KMT5B: variants seen among roughly 807,000 people sequenced by gnomAD.
KMT5B encodes histone-lysine N-methyltransferase KMT5B.
In KMT5B, 10 loss-of-function variants were observed where a neutral mutation model predicts 83.2. The observed-to-expected ratio is 0.12, with a 90% confidence interval of 0.07 to 0.20. The LOEUF (loss-of-function observed/expected upper bound fraction) is 0.20. Among genes scored for constraint, KMT5B ranks in the 10% least tolerant of loss-of-function variants. KMT5B has a pLI of 1.00. For synonymous variants in KMT5B, 349 were observed against 388.8 expected, an observed-to-expected ratio of 0.90 and a Z score of 1.20; for missense variants, 753 against 1,067.2, an observed-to-expected ratio of 0.71 and a Z score of 4.10.
chr11:68,161,775 G>A (rs1854890839), intron 10 of KMT5B, among the ~76,000 whole-genome samples: 1 of 152,140 alleles, frequency 6.6e-6, no homozygotes, highest in Non-Finnish European at 1.5e-5. Flanking sequence ...CCCTTAGACT[G>A]TTCTTCTTCA....
intron 4 of KMT5B, among the ~76,000 whole-genome samples, chr11:68,176,905 A>AC (rs1274891004): frequency 6.6e-6 from 1 of 152,212 alleles, no homozygotes; most frequent in Non-Finnish European, 1.5e-5. Flanking sequence ...TTACTCTGAC[A>AC]TTTAAAATTG....
At chr11:68,165,082 T>C (rs1462659198) in intron 10 of KMT5B, among the ~76,000 whole-genome samples, 1 of 152,234 alleles carries the variant, frequency 6.6e-6, no homozygotes, top group East Asian at 1.9e-4. Context: ...TCAGTAGCTA[T>C]ACACCAGTAA....
Position 68,171,689 on chromosome 11 carries a change from T to G in KMT5B, c.674A>C (p.Glu225Ala). Reference sequence around the variant, plus strand: ...TTCGGCAATACAACCCACCAGTAATTCTATTTTGTCATTTCGTTTCCTATT... The same window carrying G: ...TTCGGCAATACAACCCACCAGTAATGCTATTTTGTCATTTCGTTTCCTATT... ...TKEWKRNDKI[E>A]LLVGCIAELS... The change falls in exon 7 of 11, where the codon GAA (glutamate) becomes GCA (alanine). Residue 225 changes from glutamate to alanine, a missense_variant. Coordinates refer to ENST00000304363, the MANE Select transcript of KMT5B (RefSeq NM_017635.5). This position sits in a 1 kb window ranked among gnomAD's most constrained non-coding sequence, Gnocchi z 5.1. 1.2e-6 allele frequency: 2 copies of G among 1,612,520 alleles called. No homozygotes were observed. Among genetic ancestry groups the G allele is most frequent in the Non-Finnish European group, 1.7e-6 (2 of 1,179,312 alleles).
intron 4 of KMT5B, among the ~76,000 whole-genome samples, chr11:68,178,197 T>C (rs1427666654): frequency 1.3e-5 from 2 of 152,206 alleles, no homozygotes; most frequent in Non-Finnish European, 2.9e-5. Context: ...AAGTGACCAA[T>C]GGGAACATTA....
At chr11:68,211,830 G>A (rs542487871) in intron 1 of KMT5B, among the ~76,000 whole-genome samples, 14 of 152,326 alleles carry the variant, frequency 9.2e-5, no homozygotes, top group African/African-American at 2.4e-4. Flanking sequence ...AATGTCGAAT[G>A]TTTAGAGATT....
chr11:68,204,092 A>T (rs1187109777), intron 1 of KMT5B, among the ~76,000 whole-genome samples: 1 of 152,162 alleles, frequency 6.6e-6, no homozygotes, highest in Non-Finnish European at 1.5e-5. Context: ...ATAGCGTCTG[A>T]AGCTGAGCAG....
intron 10 of KMT5B, chr11:68,164,642 A>T (rs1453533423): frequency 1.9e-6 from 1 of 513,050 alleles, no homozygotes; most frequent in Admixed American, 2.0e-5. Flanking sequence ...ATGACCTCAG[A>T]GTTAGTCATA....
In KMT5B at chr11:68,171,514, A is replaced by G; in HGVS notation, c.820+29T>C. ...GCAGTTAGCAGGAATGGCCAACACT[A>G]GCGCCAACACCTTGGAAACACAGCT... On this transcript the variant is annotated intron_variant, in intron 7 of 10. Transcript: ENST00000304363. This position sits in a 1 kb window ranked among gnomAD's most constrained non-coding sequence, Gnocchi z 5.1. 6.2e-7 allele frequency: 1 copy of G among 1,606,166 alleles called. No homozygotes were observed. Among genetic ancestry groups the G allele is most frequent in the South Asian group, 1.1e-5 (1 of 89,284 alleles).
intron 6 of KMT5B, among the ~76,000 whole-genome samples, chr11:68,172,641 A>G (rs1263678293): frequency 6.6e-6 from 1 of 152,184 alleles, no homozygotes; most frequent in Non-Finnish European, 1.5e-5. Flanking sequence ...GCACACTTAC[A>G]GCGCTTCTCA....
intron 3 of KMT5B, among the ~76,000 whole-genome samples, chr11:68,181,594 G>T (rs1856941405): frequency 6.6e-6 from 1 of 152,168 alleles, no homozygotes; most frequent in Non-Finnish European, 1.5e-5. Context: ...CAAAGAGAGA[G>T]AAGTCCATAA....
Position 68,158,292 on chromosome 11 carries a change from G to A in KMT5B, c.2054C>T (p.Thr685Ile), listed in dbSNP as rs1185323292. The change falls in exon 11 of 11, where the codon ACA becomes ATA. Residue 685 changes from threonine (T) to isoleucine (I), a missense_variant. By Grantham distance (89) the Thr-to-Ile change is moderately conservative (BLOSUM62 -1). Around this residue, in one of 9 missense-constraint regions of KMT5B, gnomAD observed 397 missense variants for 395.9 expected, o/e 1.00. Transcript: ENST00000304363. Reference sequence around the variant, plus strand: ...TTTTGCAGTTCTAAAGCTGTCTTTTGTTTTGAAGCTATCTGATGTCACAAC... The same window carrying A: ...TTTTGCAGTTCTAAAGCTGTCTTTTATTTTGAAGCTATCTGATGTCACAAC... ...CSVVTSDSFK[T>I]KDSFRTAKSK... 1.5e-5 allele frequency: 24 copies of A among 1,614,008 alleles called. No homozygotes were observed. Among genetic ancestry groups the A allele is most frequent in the Non-Finnish European group, 1.9e-5 (23 of 1,180,022 alleles).
chr11:68,181,353 G>T (rs4930563), intron 3 of KMT5B, among the ~76,000 whole-genome samples: 1 of 151,964 alleles, frequency 6.6e-6, no homozygotes, highest in Non-Finnish European at 1.5e-5. Context: ...AATTACAGGC[G>T]TGAGCCATCA....
intron 10 of KMT5B, among the ~76,000 whole-genome samples, chr11:68,159,824 TG>T: frequency 6.6e-6 from 1 of 152,394 alleles, no homozygotes; most frequent in Non-Finnish European, 1.5e-5. Context: ...ACCAGTGGGC[TG>T]TCAACTTAGA....
At chr11:68,183,177 C>T (rs1390285356) in intron 3 of KMT5B, among the ~76,000 whole-genome samples, 2 of 148,118 alleles carry the variant, frequency 1.4e-5, no homozygotes, top group Admixed American at 6.7e-5. Context: ...ACTACTGTGT[C>T]AAAGAGTGAT....
At chr11:68,173,320 C>T (rs1194850019) in intron 6 of KMT5B, among the ~76,000 whole-genome samples, 1 of 152,164 alleles carries the variant, frequency 6.6e-6, no homozygotes, top group Non-Finnish European at 1.5e-5. Context: ...GGATTATAGG[C>T]GTGAGCCAAT....
At chr11:68,166,739 A>T in intron 10 of KMT5B, 1 of 1,356,198 alleles carries the variant, frequency 7.4e-7, no homozygotes, top group Non-Finnish European at 9.5e-7. Flanking sequence ...TATGATGAAG[A>T]ACTCATATCC....
intron 3 of KMT5B, among the ~76,000 whole-genome samples, chr11:68,184,284 A>C (rs2041849876): frequency 6.6e-6 from 1 of 152,122 alleles, no homozygotes; most frequent in African/African-American, 2.4e-5. Flanking sequence ...AGGCAGAAGA[A>C]TCACTTGAAC....
intron 5 of KMT5B, chr11:68,174,325 GTAAC>G (rs1275438054): frequency 5.7e-5 from 19 of 336,150 alleles, no homozygotes; most frequent in Middle Eastern, 4.2e-4. Flanking sequence ...TTGCATTACA[GTAAC>G]TAGCTGAACA....
chr11:68,177,750 C>T (rs1450612528), intron 4 of KMT5B, among the ~76,000 whole-genome samples: 1 of 152,138 alleles, frequency 6.6e-6, no homozygotes, highest in African/African-American at 2.4e-5. Flanking sequence ...AATGCAAGTC[C>T]TTTAAACAAT....
Sources: allele counts gnomAD v4.1 joint callset (sites outside exome capture counted in the v4.1 genomes callset), GRCh38; gene constraint gnomAD v4.1.1; regional missense constraint gnomAD v4.1.1; non-coding constraint Gnocchi (gnomAD v3.1); transcripts MANE v1.5; gene names NCBI Gene and HGNC (gene_info 2026-07-23, HGNC 2026-07-21).